The following VPS13D variants were observed in gnomAD, a reference collection of about 807,000 sequenced individuals.
The protein encoded by VPS13D is intermembrane lipid transfer protein VPS13D.
Under a neutral mutation model 461.9 loss-of-function variants are expected in VPS13D, and 187 were observed. That is an observed-to-expected ratio of 0.40 (90% CI 0.36 to 0.46). The LOEUF is 0.46. VPS13D is among the 20% of genes least tolerant of loss of function. VPS13D has a pLI of 0.60. For synonymous variants in VPS13D, 1,951 were observed against 1,986.3 expected, an observed-to-expected ratio of 0.98 and a Z score of 0.47; for missense variants, 4,711 against 5,364.9, an observed-to-expected ratio of 0.88 and a Z score of 3.81.
intron 29 of VPS13D, 107 bp from the exon 30 acceptor site, chr1:12,314,008 G>A (rs1403810829): frequency 5.7e-6 from 5 of 884,360 alleles, no homozygotes; most frequent in Non-Finnish European, 1.7e-6. Flanking sequence ...TCTCCTTATG[G>A]GACTTAGATA....
Position 12,329,875 on chromosome 1 carries a change from C to A in VPS13D, c.8244C>A (p.Ala2748=). The A allele has an allele frequency of 1.2e-6, 2 of 1,614,060 alleles. No homozygotes were observed. The highest frequency in any genetic ancestry group is 1.7e-6 in the Non-Finnish European group (2 of 1,180,012). ...TAAGAACTAGCCCTGAAGGCTATGCCCACTTCACCCTTTCTGGAGATTATT... is the reference window on the plus strand; with the variant it reads ...TAAGAACTAGCCCTGAAGGCTATGCACACTTCACCCTTTCTGGAGATTATT... ...QRVRTSPEGY[A]HFTLSGDYYN... The change falls in exon 37 of 70, where the codon GCC becomes GCA. Residue 2748 remains alanine (A), a synonymous_variant. Coordinates refer to ENST00000620676, the MANE Select transcript of VPS13D (RefSeq NM_015378.4).
In VPS13D at chr1:12,311,579, T is replaced by C; in HGVS notation, c.6776T>C (p.Ile2259Thr). Residue 2259 changes from isoleucine (I) to threonine (T), a missense_variant, in exon 28 of 70, where the codon ATA becomes ACA. Ile to Thr is a moderately conservative substitution (Grantham distance 89). This residue lies in a region of VPS13D where 4,411 missense variants were observed against 4,937.8 expected (regional missense o/e 0.89). Transcript: ENST00000620676. ...GLLENNLGEPIEEFMRPYDLQ... is the reference protein window; with the variant it reads ...GLLENNLGEPTEEFMRPYDLQ... ...TTAGAGAACAACCTGGGAGAACCCA[T>C]AGAGGAATTTATGCGGCCTTATGAT... The C allele has an allele frequency of 6.2e-7, 1 of 1,614,146 alleles. No individual in the cohort carries two copies. Among genetic ancestry groups the C allele is most frequent in the Admixed American group, 1.7e-5 (1 of 60,022 alleles).
At chr1:12,267,951 T>C (rs758809068) in intron 15 of VPS13D, 31 bp downstream of exon 15, 14 of 1,537,936 alleles carry the variant, frequency 9.1e-6, no homozygotes, top group East Asian at 2.4e-5. Context: ...TTTTTAAAAT[T>C]TTTAAATTTT....
intron 67 of VPS13D, among the ~76,000 whole-genome samples, chr1:12,464,170 G>A (rs1645450105): frequency 6.6e-6 from 1 of 152,168 alleles, no homozygotes; most frequent in Non-Finnish European, 1.5e-5. Context: ...AACCATCCCG[G>A]TTGATTGAAC....
At position 12,362,792 on chromosome 1, in the gene VPS13D, T is replaced by TAAA. The variant is rs1389816864; in HGVS notation, c.10215_10216insAAA (p.Leu3405_Asp3406insLys). 1 of 1,614,210 alleles carries TAAA rather than the reference T, an allele frequency of 6.2e-7. No homozygotes were observed. The highest frequency in any genetic ancestry group is 8.5e-7 in the Non-Finnish European group (1 of 1,179,998). ...GTCATCTTTGCCCCCCGTTACCTGT[T>TAAA]AGATAATAAATCATCTCACAAGCTT... On this transcript the variant is annotated inframe_insertion, in exon 51 of 70. Coordinates refer to ENST00000620676, the MANE Select transcript of VPS13D (RefSeq NM_015378.4).
intron 68 of VPS13D, among the ~76,000 whole-genome samples, chr1:12,504,185 G>A (rs1182992929): frequency 6.6e-6 from 1 of 152,062 alleles, no homozygotes; most frequent in Non-Finnish European, 1.5e-5. Context: ...TAATAATAAC[G>A]ATGATGATGC....
intron 7 of VPS13D, among the ~76,000 whole-genome samples, chr1:12,255,366 G>A (rs1374374247): frequency 6.6e-6 from 1 of 152,168 alleles, no homozygotes; most frequent in East Asian, 1.9e-4. Flanking sequence ...CATATAGTAT[G>A]AAGTTAAACA....
chr1:12,478,255 G>A (rs1645660805), intron 67 of VPS13D, among the ~76,000 whole-genome samples: 1 of 152,272 alleles, frequency 6.6e-6, no homozygotes, highest in Non-Finnish European at 1.5e-5. Context: ...ACCGAACAAA[G>A]GGAGGGAGTG....
Position 12,276,067 on chromosome 1 carries a change from A to G in VPS13D, c.2479A>G (p.Met827Val). 1 of 1,614,132 alleles carries G rather than the reference A, an allele frequency of 6.2e-7. No homozygotes were observed. Among genetic ancestry groups the G allele is most frequent in the South Asian group, 1.1e-5 (1 of 91,082 alleles). The change falls in exon 19 of 70, where the codon ATG becomes GTG. Residue 827 changes from methionine to valine, a missense_variant. Physicochemically the swap from Met to Val is conservative, Grantham distance 21 (BLOSUM62 1). This residue lies in a region of VPS13D where 4,411 missense variants were observed against 4,937.8 expected (regional missense o/e 0.89). Transcript: ENST00000620676. The surrounding 1 kb of genome is among the most constrained non-coding windows in gnomAD (Gnocchi z 4.5). ...YSLSFMDLQI[M>V]VGRVKDNWKH... is the part of the protein sequence containing the mutation. ...GCTGTCATTTATGGACCTCCAGATC[A>G]TGGTTGGACGAGTGAAAGACAATTG...
chr1:12,358,080 T>C (rs1643902456), intron 49 of VPS13D, among the ~76,000 whole-genome samples: 1 of 152,190 alleles, frequency 6.6e-6, no homozygotes, highest in African/African-American at 2.4e-5. Flanking sequence ...CTTCTTGTGC[T>C]TTTTAAAATG....
intron 40 of VPS13D, among the ~76,000 whole-genome samples, chr1:12,341,308 T>C (rs1306100883): frequency 3.3e-5 from 5 of 152,178 alleles, no homozygotes; most frequent in South Asian, 4.1e-4. Context: ...GGAAAGAATG[T>C]TTTTATTTTA....
At chr1:12,235,827 T>C (rs1365237045) in intron 2 of VPS13D, among the ~76,000 whole-genome samples, 1 of 152,168 alleles carries the variant, frequency 6.6e-6, no homozygotes, top group Non-Finnish European at 1.5e-5. Flanking sequence ...TGGTCTCTTA[T>C]TGAAGTTCTC....
At chr1:12,378,094 G>A (rs1371454183) in intron 55 of VPS13D, among the ~76,000 whole-genome samples, 3 of 152,110 alleles carry the variant, frequency 2.0e-5, no homozygotes, top group South Asian at 4.1e-4. Context: ...AGTGATCATG[G>A]CAGTATAGCT....
At chr1:12,454,232 G>A (rs1471608905) in intron 65 of VPS13D, among the ~76,000 whole-genome samples, 1 of 152,216 alleles carries the variant, frequency 6.6e-6, no homozygotes, top group Non-Finnish European at 1.5e-5. Flanking sequence ...ATGGTCGAGG[G>A]AGGACTGAAG....
chr1:12,333,749 T>C (rs750040611), intron 38 of VPS13D, among the ~76,000 whole-genome samples: 6 of 152,232 alleles, frequency 3.9e-5, no homozygotes, highest in Non-Finnish European at 7.3e-5. Context: ...ATCTTTATAG[T>C]AGAATAAGTT....
chr1:12,462,894 C>T (rs1645430576), intron 67 of VPS13D, among the ~76,000 whole-genome samples: 1 of 152,178 alleles, frequency 6.6e-6, no homozygotes, highest in Non-Finnish European at 1.5e-5. Context: ...GAGCCGTTCA[C>T]AGTCAGCACT....
intron 67 of VPS13D, among the ~76,000 whole-genome samples, chr1:12,464,494 A>T (rs1366265822): frequency 1.3e-5 from 2 of 152,158 alleles, no homozygotes; most frequent in Non-Finnish European, 2.9e-5. Context: ...CCTTCCAGTA[A>T]TCCATCTGAA....
intron 25 of VPS13D, among the ~76,000 whole-genome samples, chr1:12,302,041 C>G (rs529881465): frequency 7.9e-5 from 12 of 152,180 alleles, no homozygotes; most frequent in Non-Finnish European, 1.2e-4. Context: ...TGTGCTATAG[C>G]CTGTTGCTCC....
At position 12,355,944 on chromosome 1, in the gene VPS13D, C is replaced by T. The variant is rs903264415; in HGVS notation, c.9725C>T (p.Pro3242Leu). 1 of 1,609,438 alleles carries T rather than the reference C, an allele frequency of 6.2e-7. No homozygotes were observed. Among genetic ancestry groups the T allele is most frequent in the Non-Finnish European group, 8.5e-7 (1 of 1,177,114 alleles). Residue 3242 changes from proline (P) to leucine (L), a missense_variant, in exon 48 of 70, where the codon CCA (proline) becomes CTA (leucine). This residue lies in a region of VPS13D where 4,411 missense variants were observed against 4,937.8 expected (regional missense o/e 0.89). Transcript: ENST00000620676. ...CCCCTCTGTAAAGAATTGCTCATTC[C>T]ACCTGGAACCCAAAACTATATGGTG... ...NFPLCKELLIPPGTQNYMVRM... is the reference protein window; with the variant it reads ...NFPLCKELLILPGTQNYMVRM...
Sources: allele counts gnomAD v4.1 joint callset (sites outside exome capture counted in the v4.1 genomes callset), GRCh38; gene constraint gnomAD v4.1.1; regional missense constraint gnomAD v4.1.1; non-coding constraint Gnocchi (gnomAD v3.1); transcripts MANE v1.5; gene names NCBI Gene and HGNC (gene_info 2026-07-23, HGNC 2026-07-21).